Variants in AMACR observed in about 807,000 individuals in gnomAD.
AMACR encodes alpha-methylacyl-CoA racemase, also known as 2-methylacyl-CoA racemase.
A neutral mutation model predicts 22.2 loss-of-function variants in AMACR; 18 were observed. That is an observed-to-expected ratio of 0.81 (90% CI 0.56 to 1.20). The LOEUF (loss-of-function observed/expected upper bound fraction) is 1.20, where lower values mean the gene tolerates loss of function less well. Among genes scored for constraint, AMACR ranks in the 50% most tolerant of loss-of-function variants. The pLI is 0.00. For missense variants in AMACR, 499 were observed against 490.6 expected, an observed-to-expected ratio of 1.02 and a Z score of -0.16; for synonymous variants, 213 against 191.3, an observed-to-expected ratio of 1.11 and a Z score of -0.94.
intron 4 of AMACR, among the ~76,000 whole-genome samples, chr5:33,994,968 G>A (rs771731151): frequency 5.9e-5 from 9 of 152,222 alleles, no homozygotes; most frequent in Non-Finnish European, 1.0e-4. Context: ...TTCTTCATCC[G>A]AGGTTTGGCT....
intron 3 of AMACR, among the ~76,000 whole-genome samples, chr5:34,001,390 C>T (rs574423654): frequency 6.6e-6 from 1 of 152,324 alleles, no homozygotes; most frequent in East Asian, 1.9e-4. Context: ...GGATTGGTTA[C>T]AAGTGGGCCT....
intron 3 of AMACR, among the ~76,000 whole-genome samples, chr5:34,001,845 C>T (rs1753827864): frequency 6.6e-6 from 1 of 152,186 alleles, no homozygotes; most frequent in Non-Finnish European, 1.5e-5. Flanking sequence ...GCCTGTGTCA[C>T]AAGGGGTCCT....
chr5:33,989,401 C>G lies in AMACR; in HGVS notation c.841G>C (p.Ala281Pro), dbSNP rs371707295. 9 of 1,614,078 alleles carry G rather than the reference C, an allele frequency of 5.6e-6. No individual in the cohort carries two copies. Among genetic ancestry groups the G allele is most frequent in the Non-Finnish European group, 7.6e-6 (9 of 1,180,022 alleles). ...CCGTCAAAGATTTGACACCACTCTG[C>G]CTTCGTCTTCTCTGCAAATACATCT... ...FADVFAEKTKAEWCQIFDGTD... is the reference protein window; with the variant it reads ...FADVFAEKTKPEWCQIFDGTD... Residue 281 changes from alanine (A) to proline (P), a missense_variant, in exon 5 of 5, where the codon GCA becomes CCA. By Grantham distance (27) the Ala-to-Pro change is conservative. Transcript: ENST00000335606.
chr5:34,003,522 G>T (rs1753882117), intron 3 of AMACR, among the ~76,000 whole-genome samples: 1 of 152,090 alleles, frequency 6.6e-6, no homozygotes, highest in African/African-American at 2.4e-5. Flanking sequence ...TAAGTAACTT[G>T]CCCAAGATCA....
chr5:34,002,055 A>G (rs911868160), intron 3 of AMACR, among the ~76,000 whole-genome samples: 1 of 152,150 alleles, frequency 6.6e-6, no homozygotes, highest in African/African-American at 2.4e-5. Context: ...GAAGTGTAGT[A>G]GTGTGGTCTC....
intron 4 of AMACR, among the ~76,000 whole-genome samples, chr5:33,995,763 G>A (rs1012274475): frequency 6.6e-6 from 1 of 152,152 alleles, no homozygotes; most frequent in African/African-American, 2.4e-5. Flanking sequence ...TTCAAAAACC[G>A]GCATTAAAGC....
intron 3 of AMACR, among the ~76,000 whole-genome samples, chr5:34,001,219 C>T (rs185607988): frequency 3.1e-4 from 47 of 152,304 alleles, no homozygotes; most frequent in African/African-American, 1.0e-3. Flanking sequence ...AAACTTTAGA[C>T]GAATTAATTT....
At position 33,988,712 on chromosome 5, in the gene AMACR, T is replaced by A; in HGVS notation, c.*381A>T. The A allele has an allele frequency of 8.3e-7, 1 of 1,197,654 alleles. No homozygotes were observed. The highest frequency in any genetic ancestry group is 2.3e-5 in the South Asian group (1 of 43,092). 74.2% of individuals were successfully genotyped at this position (1,197,654 alleles called of 1,614,324 possible). ...TCACCATACAATTTGTGGCATTTCC[T>A]CATTTTCTACATTGTAGAATCAAGA... On this transcript the variant is annotated 3_prime_UTR_variant, in exon 5 of 5. Coordinates refer to ENST00000335606, the MANE Select transcript of AMACR (RefSeq NM_014324.6).
At chr5:34,001,769 T>C (rs1320946876) in intron 3 of AMACR, among the ~76,000 whole-genome samples, 1 of 152,198 alleles carries the variant, frequency 6.6e-6, no homozygotes, top group Non-Finnish European at 1.5e-5. Context: ...ATTCTGCTGC[T>C]AAACACTGTG....
chr5:33,998,838 A>G lies in AMACR; in HGVS notation c.553-11T>C. 1 of 1,613,324 alleles carries G rather than the reference A, an allele frequency of 6.2e-7. No individual in the cohort carries two copies. Among genetic ancestry groups the G allele is most frequent in the Admixed American group, 1.7e-5 (1 of 59,992 alleles). On this transcript the variant is annotated splice_polypyrimidine_tract_variant and intron_variant, in intron 3 of 4. Coordinates refer to ENST00000335606, the MANE Select transcript of AMACR (RefSeq NM_014324.6). Reference sequence around the variant, plus strand: ...TGCTGTTCCTTCCACCTTTGAGAAAACAGAATACAAGACAAATCCAGATAA... The same window carrying G: ...TGCTGTTCCTTCCACCTTTGAGAAAGCAGAATACAAGACAAATCCAGATAA...
At chr5:33,993,960 T>C (rs1303205706) in intron 4 of AMACR, 5 of 442,334 alleles carry the variant, frequency 1.1e-5, no homozygotes, top group African/African-American at 1.0e-4. Flanking sequence ...GATTGTACTA[T>C]AAGAGACTTG....
At chr5:33,995,210 G>T (rs981791163) in intron 4 of AMACR, among the ~76,000 whole-genome samples, 29 of 152,194 alleles carry the variant, frequency 1.9e-4, no homozygotes, top group African/African-American at 7.0e-4. Context: ...AGGTTGTCAG[G>T]TTGACTGCTG....
At position 33,988,893 on chromosome 5, in the gene AMACR, T is replaced by A; in HGVS notation, c.*200A>T. The A allele has an allele frequency of 1.4e-6, 2 of 1,404,296 alleles. No individual in the cohort carries two copies. 87.0% of individuals were successfully genotyped at this position (1,404,296 alleles called of 1,614,324 possible). ...CATAATTTAGTATAAGTACCCAAAG[T>A]TTTATAAATCAAAAGCCCTAATGAT... On this transcript the variant is annotated 3_prime_UTR_variant, in exon 5 of 5. Coordinates refer to ENST00000335606, the MANE Select transcript of AMACR (RefSeq NM_014324.6).
In AMACR at chr5:33,989,228, A is replaced by C; in HGVS notation, c.1014T>G (p.Pro338=). The C allele has an allele frequency of 1.2e-6, 2 of 1,614,164 alleles. No homozygotes were observed. The highest frequency in any genetic ancestry group is 2.2e-5 in the South Asian group (2 of 91,076). ...APLLLNTPAI[P]SFKRDPFIGE... ...CTATGAAAGGATCCCTTTTGAAAGA[A>C]GGGATGGCTGGGGTGTTTAACAGCA... Residue 338 remains proline (P), a synonymous_variant, in exon 5 of 5, where the codon CCT becomes CCG. Coordinates refer to ENST00000335606, the MANE Select transcript of AMACR (RefSeq NM_014324.6).
At chr5:33,998,150 A>C (rs181396405) in intron 4 of AMACR, among the ~76,000 whole-genome samples, 2 of 152,398 alleles carry the variant, frequency 1.3e-5, no homozygotes, top group Admixed American at 1.3e-4. Flanking sequence ...AAGAATCTGC[A>C]AGACAGGTCA....
chr5:33,990,850 T>C (rs1433460430), intron 4 of AMACR, among the ~76,000 whole-genome samples: 2 of 152,242 alleles, frequency 1.3e-5, no homozygotes, highest in Non-Finnish European at 2.9e-5. Context: ...CAGTTCCAGA[T>C]TTTTGTAAAC....
At chr5:33,995,992 G>C (rs115252806) in intron 4 of AMACR, among the ~76,000 whole-genome samples, 235 of 152,240 alleles carry the variant, frequency 1.5e-3, no homozygotes, top group African/African-American at 5.4e-3. Context: ...CTGAAAACCA[G>C]CAGGAGAATA....
At chr5:33,997,220 C>A in intron 4 of AMACR, 3 of 765,372 alleles carry the variant, frequency 3.9e-6, no homozygotes, top group South Asian at 2.7e-5. Flanking sequence ...CCAGCATTAG[C>A]GACTAATTCA....
intron 4 of AMACR, among the ~76,000 whole-genome samples, chr5:33,998,434 C>A (rs1270663242): frequency 6.6e-6 from 1 of 152,042 alleles, no homozygotes; most frequent in African/African-American, 2.4e-5. Flanking sequence ...ATTTTTAAAA[C>A]CCTCAGCTAT....
Sources: gnomAD v4.1 joint callset for allele counts (sites outside exome capture counted in the v4.1 genomes callset) on GRCh38, gnomAD v4.1.1 for gene constraint, MANE v1.5 for transcripts, NCBI Gene and HGNC (gene_info 2026-07-23, HGNC 2026-07-21) for gene names.